The following CA6 variants were observed in gnomAD, a reference collection of about 807,000 sequenced individuals.
The protein encoded by CA6 is carbonic anhydrase 6, also known as carbonate dehydratase VI.
Under a neutral mutation model 35.9 loss-of-function variants are expected in CA6, and 28 were observed. The ratio of observed to expected loss-of-function variants is 0.78; its 90% CI spans 0.58 to 1.07. CA6 has a LOEUF of 1.07. CA6 is among the 50% of genes least tolerant of loss of function. CA6 has a pLI of 0.00. For missense variants in CA6, 377 were observed against 382.0 expected (o/e 0.99, Z 0.11); for synonymous variants, 148 against 152.6 (o/e 0.97, Z 0.22).
intron 6 of CA6, among the ~76,000 whole-genome samples, chr1:8,970,326 C>A (rs1033988822): frequency 6.6e-6 from 1 of 151,684 alleles, no homozygotes; most frequent in African/African-American, 2.4e-5. Flanking sequence ...GACAAATACT[C>A]ATATAAAAAG....
chr1:8,946,080 C>G (rs1639356271), intron 1 of CA6, 115 bp downstream of exon 1: 1 of 689,180 alleles, frequency 1.5e-6, no homozygotes, highest in East Asian at 2.6e-5. Context: ...CTCTGTTGCC[C>G]AGGCTTGAGT....
chr1:8,949,688 C>T (rs1330992101), intron 2 of CA6, among the ~76,000 whole-genome samples: 1 of 152,082 alleles, frequency 6.6e-6, no homozygotes, highest in Non-Finnish European at 1.5e-5. Context: ...GCGTTATCCT[C>T]TTACCCGAGC....
At chr1:8,970,692 G>C (rs1266563964) in intron 6 of CA6, among the ~76,000 whole-genome samples, 175 bp from the exon 7 acceptor site, 1 of 152,048 alleles carries the variant, frequency 6.6e-6, no homozygotes, top group Non-Finnish European at 1.5e-5. Flanking sequence ...GTAGAGAAGA[G>C]GTTTCACCAT....
In CA6 at chr1:8,963,191, A is replaced by G. The variant is rs1308574075; in HGVS notation, c.571+535A>G. Reference sequence around the variant, plus strand: ...CTGCATCCTCGACTTCACACGTCCCATTCCGGCCACACCTCCCAGCCTCCC... The same window carrying G: ...CTGCATCCTCGACTTCACACGTCCCGTTCCGGCCACACCTCCCAGCCTCCC... On this transcript the variant is annotated intron_variant, in intron 5 of 7. Coordinates refer to ENST00000377443, the MANE Select transcript of CA6 (RefSeq NM_001215.4). This position sits in a 1 kb window ranked among gnomAD's most constrained non-coding sequence, Gnocchi z 4.1. Among the ~76,000 whole-genome samples the G allele has an allele frequency of 2.6e-5, 4 of 152,114 alleles. No homozygotes were observed. Among genetic ancestry groups the G allele is most frequent in the African/African-American group, 7.2e-5 (3 of 41,404 alleles).
At chr1:8,954,379 G>A (rs1247104353) in intron 2 of CA6, among the ~76,000 whole-genome samples, 2 of 152,152 alleles carry the variant, frequency 1.3e-5, no homozygotes, top group Non-Finnish European at 2.9e-5. Context: ...CGGCCAGGCT[G>A]GTCTTGAACT....
At chr1:8,956,841 T>C (rs910325354) in intron 2 of CA6, among the ~76,000 whole-genome samples, 23 of 152,194 alleles carry the variant, frequency 1.5e-4, no homozygotes, top group African/African-American at 5.3e-4. Context: ...GACCTGCCAC[T>C]GTGTGGTCCT....
chr1:8,955,105 C>T (rs78752968), intron 2 of CA6, among the ~76,000 whole-genome samples: 2,765 of 151,858 alleles, frequency 0.018, 38 homozygotes, highest in South Asian at 0.05. Flanking sequence ...GCCCAGGTGC[C>T]GTGGCTCACC....
At chr1:8,969,116 C>G (rs1292664777) in intron 6 of CA6, among the ~76,000 whole-genome samples, 1 of 150,824 alleles carries the variant, frequency 6.6e-6, no homozygotes, top group East Asian at 2.0e-4. Context: ...GGGTTCGAGA[C>G]CAGCCTGGCC....
At chr1:8,955,480 G>A (rs780407569) in intron 2 of CA6, among the ~76,000 whole-genome samples, 2 of 152,098 alleles carry the variant, frequency 1.3e-5, no homozygotes, top group East Asian at 1.9e-4. Flanking sequence ...AACACATTCC[G>A]TCTCCCGGGA....
chr1:8,955,948 C>A (rs6661729), intron 2 of CA6, among the ~76,000 whole-genome samples: 6,976 of 152,280 alleles, frequency 0.046, 221 homozygotes, highest in Admixed American at 0.1. Flanking sequence ...TCTTGCCAGG[C>A]GCAGTGGCTC....
At position 8,959,931 on chromosome 1, in the gene CA6, C is replaced by CAAAAAAAAAAAAAAAAAAAAAAAAA. The variant is rs373250863; in HGVS notation, c.501+948_501+949insAAAAAAAAAAAAAAAAAAAAAAAAA. 2.7e-5 allele frequency among the ~76,000 whole-genome samples: 2 copies of CAAAAAAAAAAAAAAAAAAAAAAAAA among 75,176 alleles called. 1 individual carries two copies. The highest frequency in any genetic ancestry group is 1.4e-4 in the African/African-American group (2 of 14,784). 49.3% of individuals were successfully genotyped at this position (75,176 alleles called of 152,430 possible). A position where few individuals can be genotyped will look rare whatever the true frequency, so the allele number is the denominator to read the frequency against. ...TGGGCAATAAAGCTAGATTCTATCT[C>CAAAAAAAAAAAAAAAAAAAAAAAAA]AAAAAAAAAAAAAAAAAAAGCTGGG... On this transcript the variant is annotated intron_variant, in intron 4 of 7. Coordinates refer to ENST00000377443, the MANE Select transcript of CA6 (RefSeq NM_001215.4).
chr1:8,947,850 CT>C lies in CA6; in HGVS notation c.80-1398del, dbSNP rs527410056. Reference sequence around the variant, plus strand: ...GCGGTGAGGGCCCTAGTACAGACACCTTTTTTTTTTTTTTTGAGAGTTTCAC... The same window carrying C: ...GCGGTGAGGGCCCTAGTACAGACACCTTTTTTTTTTTTTTGAGAGTTTCAC... On this transcript the variant is annotated intron_variant, in intron 1 of 7. Transcript: ENST00000377443. Among the ~76,000 whole-genome samples, 440 of 140,438 alleles carry C rather than the reference CT, an allele frequency of 3.1e-3. 2 individuals are homozygous for C. Among genetic ancestry groups the C allele is most frequent in the Middle Eastern group, 3.7e-3 (1 of 272 alleles). 92.1% of individuals were successfully genotyped at this position (140,438 alleles called of 152,430 possible).
intron 2 of CA6, chr1:8,951,297 T>C (rs1020046941): frequency 3.7e-5 from 22 of 590,762 alleles, no homozygotes; most frequent in Non-Finnish European, 6.3e-5. Flanking sequence ...AGAATGAAGC[T>C]CTGTCTGTAA....
At chr1:8,962,683 G>A (rs776225852) in intron 5 of CA6, 27 bp downstream of exon 5, 15 of 1,585,796 alleles carry the variant, frequency 9.5e-6, no homozygotes, top group Non-Finnish European at 1.2e-5. Context: ...GTGGCTGCAG[G>A]AGGGAAGGGG....
chr1:8,960,620 GA>G (rs1639813755), intron 4 of CA6, among the ~76,000 whole-genome samples: 1 of 151,658 alleles, frequency 6.6e-6, no homozygotes, highest in South Asian at 2.1e-4. Flanking sequence ...GGCAGCAGAA[GA>G]AAAAAAGAAT....
In CA6 at chr1:8,957,289, C is replaced by T. The variant is rs758632598; in HGVS notation, c.408+4C>T. The T allele has an allele frequency of 3.1e-6, 5 of 1,607,424 alleles. No individual in the cohort carries two copies. The Admixed American group carries it at 8.4e-5, about 27-fold the overall frequency. On this transcript the variant is annotated splice_donor_region_variant and intron_variant, in intron 3 of 7. Transcript: ENST00000377443. ...CGGGATCAGACATGTGATCGAGGTA[C>T]CTGAGGACCCCCACTGTGTCCTCTT...
chr1:8,948,733 G>T (rs1040947591), intron 1 of CA6, among the ~76,000 whole-genome samples: 4 of 152,140 alleles, frequency 2.6e-5, no homozygotes, highest in Non-Finnish European at 4.4e-5. Context: ...ACTTTGGGAG[G>T]CCAAGGTGGG....
At chr1:8,957,422 C>T (rs2124263783) in intron 3 of CA6, 137 bp downstream of exon 3, 1 of 750,520 alleles carries the variant, frequency 1.3e-6, no homozygotes, top group East Asian at 2.9e-5. Flanking sequence ...CTCACTGCAA[C>T]CTCCGCCTTC....
intron 2 of CA6, among the ~76,000 whole-genome samples, chr1:8,956,750 G>A (rs980905785): frequency 3.9e-5 from 6 of 152,244 alleles, no homozygotes; most frequent in Admixed American, 3.9e-4. Flanking sequence ...CTTGGCCAGA[G>A]ATAGAGAGTA....
Sources: allele counts gnomAD v4.1 joint callset (sites outside exome capture counted in the v4.1 genomes callset), GRCh38; gene constraint gnomAD v4.1.1; non-coding constraint Gnocchi (gnomAD v3.1); transcripts MANE v1.5; gene names NCBI Gene and HGNC (gene_info 2026-07-23, HGNC 2026-07-21).